Variants in CGNL1 observed in about 807,000 individuals in gnomAD.
CGNL1 encodes the protein cingulin-like protein 1.
In CGNL1, 132 loss-of-function variants were observed where a neutral mutation model predicts 141.2. The observed-to-expected ratio is 0.93, with a 90% CI of 0.81 to 1.08. The LOEUF (loss-of-function observed/expected upper bound fraction) is 1.08. Among genes scored for constraint, CGNL1 ranks in the 50% least tolerant of loss-of-function variants. The probability of loss-of-function intolerance (pLI) is 0.00; values close to 1 mark genes in which losing one functional copy is unlikely to be tolerated. For synonymous variants in CGNL1, 690 were observed against 622.1 expected (o/e 1.11, Z -1.63); for missense variants, 1,870 against 1,588.6 (o/e 1.18, Z -3.01).
chr15:57,446,382 C>G (rs1288493257), intron 4 of CGNL1, among the ~76,000 whole-genome samples: 1 of 152,170 alleles, frequency 6.6e-6, no homozygotes, highest in Non-Finnish European at 1.5e-5. Flanking sequence ...TGTCCCCCTT[C>G]CTTCTGGGGG....
intron 1 of CGNL1, among the ~76,000 whole-genome samples, chr15:57,418,769 G>A (rs2062879180): frequency 6.6e-6 from 1 of 152,168 alleles, no homozygotes; most frequent in African/African-American, 2.4e-5. Context: ...GAAGAGCAGT[G>A]TTCTGAGACC....
At chr15:57,459,541 A>G (rs2063420343) in intron 7 of CGNL1, among the ~76,000 whole-genome samples, 3 of 152,250 alleles carry the variant, frequency 2.0e-5, no homozygotes, top group African/African-American at 7.2e-5. Context: ...GATGGGCCTG[A>G]GAAGGGAGAA....
intron 1 of CGNL1, among the ~76,000 whole-genome samples, chr15:57,396,464 G>T (rs190182573): frequency 6.6e-6 from 1 of 151,534 alleles, no homozygotes; most frequent in Non-Finnish European, 1.5e-5. Flanking sequence ...AAAGAGACAG[G>T]GTTTCGCCAT....
At chr15:57,509,082 G>A (rs2029983701) in intron 8 of CGNL1, among the ~76,000 whole-genome samples, 1 of 152,168 alleles carries the variant, frequency 6.6e-6, no homozygotes, top group South Asian at 2.1e-4. Context: ...TCAGAGTGAG[G>A]AAGGGACGCA....
At chr15:57,421,416 C>T (rs1188431185) in intron 1 of CGNL1, among the ~76,000 whole-genome samples, 5 of 151,712 alleles carry the variant, frequency 3.3e-5, no homozygotes, top group East Asian at 1.9e-4. Context: ...CCTTAAACAC[C>T]GAAAGGAACC....
At chr15:57,424,997 A>G (rs768574583) in intron 1 of CGNL1, among the ~76,000 whole-genome samples, 2 of 152,208 alleles carry the variant, frequency 1.3e-5, no homozygotes, top group Non-Finnish European at 2.9e-5. Context: ...AAGAACTATA[A>G]TCGTTTTATA....
At chr15:57,453,659 C>A (rs761438785) in intron 6 of CGNL1, 24 bp from the exon 7 acceptor site, 18 of 1,612,664 alleles carry the variant, frequency 1.1e-5, no homozygotes, top group Non-Finnish European at 4.2e-6. Context: ...AAGAGCCTGT[C>A]TAATGGGCTT....
At chr15:57,399,309 C>A (rs573622206) in intron 1 of CGNL1, among the ~76,000 whole-genome samples, 1 of 152,188 alleles carries the variant, frequency 6.6e-6, no homozygotes, top group East Asian at 1.9e-4. Flanking sequence ...TTCTATCCTA[C>A]CCTCTTCTCT....
chr15:57,516,553 C>T (rs1353738241), intron 8 of CGNL1, among the ~76,000 whole-genome samples: 44 of 152,178 alleles, frequency 2.9e-4, no homozygotes, highest in Admixed American at 2.7e-3. Context: ...CAGCCACAGA[C>T]AGTCTGCAAA....
chr15:57,527,407 A>AT, intron 12 of CGNL1: 1 of 152,374 alleles, frequency 6.6e-6, no homozygotes, highest in Non-Finnish European at 1.5e-5. Context: ...TCACTTTCAT[A>AT]TACTCTGAAG....
At chr15:57,509,760 T>C (rs1181342727) in intron 8 of CGNL1, among the ~76,000 whole-genome samples, 1 of 152,246 alleles carries the variant, frequency 6.6e-6, no homozygotes, top group African/African-American at 2.4e-5. Flanking sequence ...ACAATTGTTA[T>C]ATTTCTTTTT....
chr15:57,450,569 C>A (rs2063310670), intron 4 of CGNL1, among the ~76,000 whole-genome samples: 1 of 152,180 alleles, frequency 6.6e-6, no homozygotes, highest in Non-Finnish European at 1.5e-5. Context: ...AGCCGCCCCA[C>A]CCAGCCTCAT....
chr15:57,447,842 G>A (rs1353441647), intron 4 of CGNL1, among the ~76,000 whole-genome samples: 5 of 137,232 alleles, frequency 3.6e-5, no homozygotes, highest in Non-Finnish European at 7.8e-5. Context: ...GTGTGTGTGT[G>A]TGTATGTTGT....
chr15:57,494,512 C>G (rs1567152344), intron 8 of CGNL1, among the ~76,000 whole-genome samples: 1 of 152,142 alleles, frequency 6.6e-6, no homozygotes, highest in African/African-American at 2.4e-5. Flanking sequence ...TAATAAACTA[C>G]TCATATGTGA....
At chr15:57,444,601 T>C in intron 4 of CGNL1, among the ~76,000 whole-genome samples, 1 of 152,166 alleles carries the variant, frequency 6.6e-6, no homozygotes, top group East Asian at 1.9e-4. Context: ...TAAGTCAGGG[T>C]AGCCCTTCTA....
intron 1 of CGNL1, among the ~76,000 whole-genome samples, chr15:57,412,440 CTCTGTA>C (rs1177180440): frequency 6.6e-6 from 1 of 152,174 alleles, no homozygotes; most frequent in Non-Finnish European, 1.5e-5. Flanking sequence ...TCTTGATGTT[CTCTGTA>C]TCTGTTAAGG....
At chr15:57,384,218 T>C (rs1465368079) in intron 1 of CGNL1, among the ~76,000 whole-genome samples, 1 of 152,086 alleles carries the variant, frequency 6.6e-6, no homozygotes, top group African/African-American at 2.4e-5. Context: ...ACTTTCTGGG[T>C]GTGAGGCAGC....
At position 57,439,557 on chromosome 15, in the gene CGNL1, A is replaced by T; in HGVS notation, c.1558A>T (p.Lys520Ter). 6.2e-7 allele frequency: 1 copy of T among 1,614,012 alleles called. No individual in the cohort carries two copies. The highest frequency in any genetic ancestry group is 8.5e-7 in the Non-Finnish European group (1 of 1,180,012). The change falls in exon 2 of 19, where the codon AAG becomes TAG. Residue 520 changes from lysine (K) to a stop codon, truncating the protein, a stop_gained. Transcript: ENST00000281282. LOFTEE classifies it high-confidence loss of function. ...ATATSPDSGA[K>*]KISVKTFPSA... is the part of the protein sequence containing the mutation. ...AGCAACTTCGCCTGATTCTGGTGCC[A>T]AGAAAATTTCCGTGAAGACATTTCC...
intron 8 of CGNL1, among the ~76,000 whole-genome samples, chr15:57,488,451 A>G (rs1231304698): frequency 1.3e-5 from 2 of 152,222 alleles, no homozygotes; most frequent in Admixed American, 6.5e-5. Context: ...TGTATCTAAG[A>G]AACCATTTCC....
Sources: allele counts gnomAD v4.1 joint callset (sites outside exome capture counted in the v4.1 genomes callset), GRCh38; gene constraint gnomAD v4.1.1; transcripts MANE v1.5; gene names NCBI Gene and HGNC (gene_info 2026-07-23, HGNC 2026-07-21).